The following CRACR2A variants were observed in gnomAD, a reference collection of about 807,000 sequenced individuals.
CRACR2A encodes EF-hand calcium-binding domain-containing protein 4B.
Under a neutral mutation model 90.5 loss-of-function variants are expected in CRACR2A, and 79 were observed. That is an observed-to-expected ratio of 0.87 (90% CI 0.73 to 1.05). The LOEUF (loss-of-function observed/expected upper bound fraction) is 1.05. Among genes scored for constraint, CRACR2A ranks in the 50% least tolerant of loss-of-function variants. CRACR2A has a pLI of 0.00. For synonymous variants in CRACR2A, 338 were observed against 356.7 expected (o/e 0.95, Z 0.59); for missense variants, 823 against 897.2 (o/e 0.92, Z 1.06).
chr12:3,640,496 A>T, intron 13 of CRACR2A: 2 of 1,196,510 alleles, frequency 1.7e-6, no homozygotes, highest in Non-Finnish European at 2.1e-6. Flanking sequence ...ACAGTAGGTA[A>T]TCAGTAAACG....
intron 1 of CRACR2A, among the ~76,000 whole-genome samples, chr12:3,735,744 C>T (rs1246435264): frequency 3.3e-5 from 5 of 152,264 alleles, no homozygotes; most frequent in South Asian, 4.1e-4. Context: ...TCACAGTGGC[C>T]GTCAGGAGAG....
intron 4 of CRACR2A, among the ~76,000 whole-genome samples, chr12:3,695,463 G>GC (rs940628328): frequency 6.6e-6 from 1 of 152,126 alleles, no homozygotes; most frequent in Non-Finnish European, 1.5e-5. Flanking sequence ...CTCAATTTGT[G>GC]CAACAGTTAG....
At chr12:3,679,663 A>T (rs1443876974) in intron 5 of CRACR2A, among the ~76,000 whole-genome samples, 1 of 152,226 alleles carries the variant, frequency 6.6e-6, no homozygotes, top group East Asian at 1.9e-4. Flanking sequence ...ATATGGCCCC[A>T]CACATAAGGC....
Position 3,634,098 on chromosome 12 carries a change from G to A in CRACR2A, c.1603-362C>T, listed in dbSNP as rs957011611. 2.6e-5 allele frequency among the ~76,000 whole-genome samples: 4 copies of A among 152,312 alleles called. No individual in the cohort carries two copies. In the East Asian group the frequency reaches 7.7e-4, roughly 29 times the overall value. ...CAAGTGTGACGGGGCACAGAGGAGG[G>A]GATCTGAGCGGTGGCTTCAAGAGGG... On this transcript the variant is annotated intron_variant, in intron 14 of 19. Transcript: ENST00000440314.
At chr12:3,747,864 A>T (rs939131036) in intron 1 of CRACR2A, among the ~76,000 whole-genome samples, 10 of 152,038 alleles carry the variant, frequency 6.6e-5, no homozygotes, top group African/African-American at 1.9e-4. Context: ...AAGGGCACAG[A>T]GCTCCACAGG....
intron 1 of CRACR2A, among the ~76,000 whole-genome samples, chr12:3,745,905 C>T (rs1283673230): frequency 2.0e-5 from 3 of 151,836 alleles, no homozygotes; most frequent in Non-Finnish European, 4.4e-5. Context: ...AAAAACAAAA[C>T]CTGGCTGAAG....
chr12:3,645,807 A>C (rs1446464534), intron 11 of CRACR2A, among the ~76,000 whole-genome samples: 1 of 152,250 alleles, frequency 6.6e-6, no homozygotes, highest in Non-Finnish European at 1.5e-5. Context: ...AGAAATGGCA[A>C]AGCAAGTAGC....
chr12:3,683,919 C>T lies in CRACR2A; in HGVS notation c.229-3570G>A, dbSNP rs545733534. On this transcript the variant is annotated intron_variant, in intron 4 of 19. Transcript: ENST00000440314. ...GACCAGCCCAACTGCTAATTCTCAG[C>T]AAGACTCATAGTGACTGGCAACCTT... Among the ~76,000 whole-genome samples, 4 of 152,316 alleles carry T rather than the reference C, an allele frequency of 2.6e-5. No individual in the cohort carries two copies. The East Asian group carries it at 7.7e-4, about 29-fold the overall frequency.
chr12:3,713,524 T>G (rs1159196442), intron 2 of CRACR2A, among the ~76,000 whole-genome samples: 1 of 152,310 alleles, frequency 6.6e-6, no homozygotes, highest in African/African-American at 2.4e-5. Context: ...ATAAGTCTGC[T>G]TAGTGACCCT....
At chr12:3,649,243 A>G (rs941011280) in intron 10 of CRACR2A, among the ~76,000 whole-genome samples, 1 of 149,132 alleles carries the variant, frequency 6.7e-6, no homozygotes, top group Non-Finnish European at 1.5e-5. Context: ...TAATAAGATA[A>G]ATAAATAAAT....
intron 17 of CRACR2A, among the ~76,000 whole-genome samples, chr12:3,624,876 C>T (rs752779410): frequency 2.0e-5 from 3 of 152,190 alleles, no homozygotes; most frequent in South Asian, 2.1e-4. Flanking sequence ...GTTCAAGGAG[C>T]GCTTGTTTAG....
chr12:3,686,100 G>T (rs904803202), intron 4 of CRACR2A, among the ~76,000 whole-genome samples: 1 of 152,128 alleles, frequency 6.6e-6, no homozygotes, highest in Non-Finnish European at 1.5e-5. Flanking sequence ...TAGCCTAGAG[G>T]GGTTAAGAGA....
At chr12:3,733,970 C>CTGATTTTTT (rs1946400804) in intron 1 of CRACR2A, among the ~76,000 whole-genome samples, 1 of 55,612 alleles carries the variant, frequency 1.8e-5, no homozygotes, top group African/African-American at 4.9e-5. Flanking sequence ...CACATTTTGC[C>CTGATTTTTT]TTATTTTTTT....
intron 1 of CRACR2A, among the ~76,000 whole-genome samples, chr12:3,737,911 T>G (rs16930739): frequency 0.16 from 23,901 of 152,246 alleles, 2,076 homozygotes; most frequent in African/African-American, 0.2. Flanking sequence ...ATCGATAAAA[T>G]GATGTCTTCT....
intron 10 of CRACR2A, among the ~76,000 whole-genome samples, chr12:3,651,664 C>G (rs982595134): frequency 2.6e-5 from 4 of 152,138 alleles, no homozygotes; most frequent in African/African-American, 9.7e-5. Flanking sequence ...AGTGACTAAG[C>G]CTGTTTACCT....
intron 2 of CRACR2A, chr12:3,729,577 C>A (rs1404729022): frequency 6.6e-6 from 1 of 152,244 alleles, no homozygotes; most frequent in Non-Finnish European, 1.5e-5. Flanking sequence ...GTGGTGTGCA[C>A]CTGTAGTCGC....
Position 3,678,975 on chromosome 12 carries a change from T to C in CRACR2A, c.464A>G (p.Asp155Gly), listed in dbSNP as rs766602351. The C allele has an allele frequency of 3.7e-6, 6 of 1,613,966 alleles. No individual in the cohort carries two copies. In the East Asian group the frequency reaches 1.1e-4, roughly 30 times the overall value. Residue 155 changes from aspartate to glycine, a missense_variant, in exon 6 of 20, where the codon GAT (aspartate) becomes GGT (glycine). Transcript: ENST00000440314. ...GDEDLGDMGE[D>G]EEAQFRMLMD... ...CAGCATCCGGAACTGGGCTTCCTCA[T>C]CTTCGCCCATGTCGCCCAGATCCTC...
At chr12:3,715,784 A>T (rs1946074588) in intron 2 of CRACR2A, among the ~76,000 whole-genome samples, 1 of 152,262 alleles carries the variant, frequency 6.6e-6, no homozygotes, top group Admixed American at 6.5e-5. Context: ...AAGCAATGAC[A>T]ACAGCCATAT....
intron 11 of CRACR2A, among the ~76,000 whole-genome samples, chr12:3,645,633 G>T (rs1011529910): frequency 2.0e-5 from 3 of 152,170 alleles, no homozygotes; most frequent in African/African-American, 4.8e-5. Context: ...GACACTTGAC[G>T]AATATTTTTA....
Sources: allele counts gnomAD v4.1 joint callset (sites outside exome capture counted in the v4.1 genomes callset), GRCh38; gene constraint gnomAD v4.1.1; transcripts MANE v1.5; gene names NCBI Gene and HGNC (gene_info 2026-07-23, HGNC 2026-07-21).